Variants in NCOR1 observed in about 807,000 individuals in gnomAD.
The protein encoded by NCOR1 is protein phosphatase 1, regulatory subunit 109.
NCOR1 carries 63 observed loss-of-function variants against 288.1 expected under a neutral mutation model. That is an observed-to-expected ratio of 0.22 (90% confidence interval 0.18 to 0.27). The LOEUF (loss-of-function observed/expected upper bound fraction) is 0.27. NCOR1 is among the 10% of genes least tolerant of loss of function. The pLI is 1.00. For synonymous variants in NCOR1, 1,007 were observed against 1,065.9 expected, an observed-to-expected ratio of 0.94 and a Z score of 1.08; for missense variants, 2,397 against 3,019.2, an observed-to-expected ratio of 0.79 and a Z score of 4.83.
At chr17:16,195,849 T>A (rs1463300181) in intron 1 of NCOR1, among the ~76,000 whole-genome samples, 2 of 152,184 alleles carry the variant, frequency 1.3e-5, no homozygotes, top group African/African-American at 2.4e-5. Flanking sequence ...AACATGATTA[T>A]CTATGTTTAT....
chr17:16,127,643 G>GTGTATGTGTATATATACATATATGTA (rs1555690218), intron 14 of NCOR1, among the ~76,000 whole-genome samples: 5 of 142,864 alleles, frequency 3.5e-5, no homozygotes, highest in Admixed American at 6.9e-5. Context: ...ATGTATATAT[G>GTGTATGTGTATATATACATATATGTA]TGTATGTGTA....
Position 16,125,692 on chromosome 17 carries a change from A to G in NCOR1, c.1634+390T>C, listed in dbSNP as rs532659852. Among the ~76,000 whole-genome samples, 23 of 129,154 alleles carry G rather than the reference A, an allele frequency of 1.8e-4. No homozygotes were observed. The South Asian group carries it at 6.0e-3, about 34-fold the overall frequency. 84.7% of individuals were successfully genotyped at this position (129,154 alleles called of 152,430 possible). A position where few individuals can be genotyped will look rare whatever the true frequency, so the allele number is the denominator to read the frequency against. The stretch of plus-strand genomic sequence containing the variant: ...ACTCCAGCCTGGGCAACAGAGCGAG[A>G]CGCCATCACAAAAAAAAAAAAAAAA... On this transcript the variant is annotated intron_variant, in intron 15 of 45. Coordinates refer to ENST00000268712, the MANE Select transcript of NCOR1 (RefSeq NM_006311.4).
At chr17:16,202,542 G>C (rs907736988) in intron 1 of NCOR1, among the ~76,000 whole-genome samples, 12 of 152,112 alleles carry the variant, frequency 7.9e-5, no homozygotes, top group African/African-American at 2.4e-4. Context: ...TGAATTAATA[G>C]ATATAACAAT....
intron 40 of NCOR1, among the ~76,000 whole-genome samples, chr17:16,054,070 TAAA>T (rs752015595): frequency 0.02 from 1,447 of 72,116 alleles, 22 homozygotes; most frequent in African/African-American, 0.058. Context: ...GACTTAAATG[TAAA>T]AAAAAAAAAA....
At chr17:16,154,235 G>A (rs1396495708) in intron 6 of NCOR1, among the ~76,000 whole-genome samples, 5 of 151,712 alleles carry the variant, frequency 3.3e-5, no homozygotes, top group Non-Finnish European at 7.4e-5. Flanking sequence ...GTGTTACCTA[G>A]CAAAAATCTT....
intron 11 of NCOR1, among the ~76,000 whole-genome samples, chr17:16,140,113 T>G (rs1038170339): frequency 2.6e-5 from 4 of 152,190 alleles, no homozygotes; most frequent in African/African-American, 9.6e-5. Flanking sequence ...TAACAGAGAT[T>G]TACTCATCAT....
At chr17:16,037,211 T>C (rs7224403) in intron 44 of NCOR1, among the ~76,000 whole-genome samples, 14,705 of 152,140 alleles carry the variant, frequency 0.097, 1,484 homozygotes, top group African/African-American at 0.25. Flanking sequence ...CTTATACAGG[T>C]GCTCCTCATG....
In NCOR1 at chr17:16,062,088, A is replaced by G. The variant is rs756415894; in HGVS notation, c.5387+17T>C. ...TGCAAGAGACATTTTTTGTCAAAAT[A>G]TGTACAAGAGACTGACATGATTCGT... On this transcript the variant is annotated intron_variant, in intron 36 of 45. Coordinates refer to ENST00000268712, the MANE Select transcript of NCOR1 (RefSeq NM_006311.4). The G allele has an allele frequency of 6.2e-7, 1 of 1,606,984 alleles. No homozygotes were observed. Among genetic ancestry groups the G allele is most frequent in the Non-Finnish European group, 8.5e-7 (1 of 1,178,488 alleles).
At chr17:16,147,923 T>C (rs1568328554) in intron 9 of NCOR1, among the ~76,000 whole-genome samples, 1 of 152,208 alleles carries the variant, frequency 6.6e-6, no homozygotes, top group Non-Finnish European at 1.5e-5. Context: ...GTTCAAGTTA[T>C]TCTCCTGCCT....
At chr17:16,087,206 A>T in intron 22 of NCOR1, 1 of 1,304,246 alleles carries the variant, frequency 7.7e-7, no homozygotes, top group Non-Finnish European at 1.0e-6. Flanking sequence ...CACTCATATC[A>T]GGCTGTGGAG....
At chr17:16,059,767 A>G (rs2060346161) in intron 37 of NCOR1, among the ~76,000 whole-genome samples, 1 of 152,174 alleles carries the variant, frequency 6.6e-6, no homozygotes, top group African/African-American at 2.4e-5. Context: ...GCAGGTGGGA[A>G]TGAACTCTGC....
At chr17:16,085,720 C>G (rs981465244) in intron 23 of NCOR1, among the ~76,000 whole-genome samples, 8 of 152,078 alleles carry the variant, frequency 5.3e-5, no homozygotes, top group African/African-American at 1.9e-4. Context: ...GGGGAGATGG[C>G]CTGGGAAGGA....
At chr17:16,071,247 C>G (rs941780584) in intron 30 of NCOR1, among the ~76,000 whole-genome samples, 162 bp downstream of exon 30, 2 of 151,850 alleles carry the variant, frequency 1.3e-5, no homozygotes, top group African/African-American at 4.8e-5. Flanking sequence ...ACACCGCACT[C>G]CAGCCTGGTC....
chr17:16,039,759 T>G, intron 43 of NCOR1, 105 bp from the exon 44 acceptor site: 1 of 1,023,906 alleles, frequency 9.8e-7, no homozygotes, highest in Non-Finnish European at 1.5e-6. Flanking sequence ...ACTTGGCAAG[T>G]GACCTAGAAC....
rs777338180 is a variant in NCOR1, at chr17:16,058,002, A to G, written c.6073T>C (p.Ser2025Pro). Residue 2025 changes from serine (S) to proline (P), a missense_variant, in exon 39 of 46, where the codon TCT (serine) becomes CCT (proline). Physicochemically the swap from Ser to Pro is moderately conservative, Grantham distance 74 (BLOSUM62 -1). Transcript: ENST00000268712. ...GAAGGGGGCAGCTGTTGTTGGGGAG[A>G]TGGTGATTCCTGCTGTGGTCGATAG... ...HHYRPQQESP[S>P]PQQQLPPSSQ... is the part of the protein sequence containing the mutation. The G allele has an allele frequency of 1.6e-5, 26 of 1,614,010 alleles. No individual in the cohort carries two copies. Among genetic ancestry groups the G allele is most frequent in the Non-Finnish European group, 3.4e-6 (4 of 1,180,018 alleles).
At chr17:16,120,767 T>A (rs2153146621) in intron 16 of NCOR1, among the ~76,000 whole-genome samples, 1 of 152,234 alleles carries the variant, frequency 6.6e-6, no homozygotes, top group Non-Finnish European at 1.5e-5. Flanking sequence ...CATGCCTCAA[T>A]ATTACACAGC....
intron 4 of NCOR1, among the ~76,000 whole-genome samples, chr17:16,171,009 T>C (rs1345986375): frequency 6.6e-6 from 1 of 152,048 alleles, no homozygotes; most frequent in African/African-American, 2.4e-5. Context: ...TTAAAACTTA[T>C]CTTTGTACAG....
chr17:16,106,266 C>T (rs905526213), intron 19 of NCOR1, among the ~76,000 whole-genome samples: 16 of 152,162 alleles, frequency 1.1e-4, no homozygotes, highest in Non-Finnish European at 2.1e-4. Context: ...AGGCATTTAT[C>T]TTCAAAATAT....
chr17:16,047,970 A>ATT (rs2058862658), intron 41 of NCOR1, among the ~76,000 whole-genome samples: 1 of 152,202 alleles, frequency 6.6e-6, no homozygotes. Flanking sequence ...CCAAAAATGG[A>ATT]TTTTCTTCAT....
Sources: allele counts gnomAD v4.1 joint callset (sites outside exome capture counted in the v4.1 genomes callset), GRCh38; gene constraint gnomAD v4.1.1; transcripts MANE v1.5; gene names NCBI Gene and HGNC (gene_info 2026-07-23, HGNC 2026-07-21).